Variants in PIP5KL1 observed in about 807,000 individuals in gnomAD.
PIP5KL1 encodes phosphatidylinositol-4-phosphate 5-kinase like 1.
In PIP5KL1, 45 loss-of-function variants were observed where a neutral mutation model predicts 47.6. The observed-to-expected ratio is 0.94, with a 90% CI of 0.74 to 1.21. The LOEUF (loss-of-function observed/expected upper bound fraction) is 1.21, where lower values mean the gene tolerates loss of function less well. Ranked by LOEUF, PIP5KL1 falls within the 50% of genes most tolerant of loss-of-function variation. The pLI is 0.00. For synonymous variants in PIP5KL1, 256 were observed against 234.6 expected (o/e 1.09, Z -0.84); for missense variants, 577 against 547.6 (o/e 1.05, Z -0.54).
rs1037071503 is a variant in PIP5KL1, at chr9:127,929,661, G to T, written c.228+27C>A. On this transcript the variant is annotated intron_variant, in intron 2 of 9. Transcript: ENST00000388747. The surrounding 1 kb of genome is among the most constrained non-coding windows in gnomAD (Gnocchi z 4.0). The stretch of plus-strand genomic sequence containing the variant: ...CAAGTCTTGCCATTGCTGGTGTGGA[G>T]ATTCGTGGGACAGATGGGCCACTCA... 3 of 1,521,596 alleles carry T rather than the reference G, an allele frequency of 2.0e-6. No homozygotes were observed. Among genetic ancestry groups the T allele is most frequent in the Non-Finnish European group, 1.8e-6 (2 of 1,124,750 alleles). 94.3% of individuals were successfully genotyped at this position (1,521,596 alleles called of 1,614,324 possible).
In PIP5KL1 at chr9:127,929,881, A is replaced by G; in HGVS notation, c.35T>C (p.Leu12Pro). Residue 12 changes from leucine to proline, a missense_variant, in exon 2 of 10, where the codon CTG becomes CCG. By Grantham distance (98) the Leu-to-Pro change is moderately conservative (BLOSUM62 -3). Coordinates refer to ENST00000388747, the MANE Select transcript of PIP5KL1 (RefSeq NM_001135219.2). This position sits in a 1 kb window ranked among gnomAD's most constrained non-coding sequence, Gnocchi z 4.0. ...GCATCCAGCCTCAGGGGAGGGGGCC[A>G]GGACCTGGTGGGAGGAGGCACAGGA... is the stretch of plus-strand genomic sequence containing the variant. ...AAPSPGPREV[L>P]APSPEAGCRA... 6.5e-7 allele frequency: 1 copy of G among 1,529,400 alleles called. No homozygotes were observed. The highest frequency in any genetic ancestry group is 8.8e-7 in the Non-Finnish European group (1 of 1,137,646). 94.7% of individuals were successfully genotyped at this position (1,529,400 alleles called of 1,614,324 possible). A position where few individuals can be genotyped will look rare whatever the true frequency, so the allele number is the denominator to read the frequency against.
rs992189019 is a variant in PIP5KL1, at chr9:127,929,172, G to T, written c.228+516C>A. Among the ~76,000 whole-genome samples, 1 of 152,110 alleles carries T rather than the reference G, an allele frequency of 6.6e-6. No homozygotes were observed. Among genetic ancestry groups the T allele is most frequent in the Non-Finnish European group, 1.5e-5 (1 of 68,004 alleles). On this transcript the variant is annotated intron_variant, in intron 2 of 9. Transcript: ENST00000388747. This position sits in a 1 kb window ranked among gnomAD's most constrained non-coding sequence, Gnocchi z 4.0. ...CCTGGATCTCCAGGTCCCTGTGCCCGGATGTGGTCTGTGGAATGTGGTCCC... is the reference window on the plus strand; with the variant it reads ...CCTGGATCTCCAGGTCCCTGTGCCCTGATGTGGTCTGTGGAATGTGGTCCC...
chr9:127,929,768 G>A lies in PIP5KL1; in HGVS notation c.148C>T (p.His50Tyr). 1 of 1,570,494 alleles carries A rather than the reference G, an allele frequency of 6.4e-7. No homozygotes were observed. Among genetic ancestry groups the A allele is most frequent in the Non-Finnish European group, 8.6e-7 (1 of 1,157,730 alleles). ...RLGLFEISPGHELHGMTCMMQ... is the reference protein window; with the variant it reads ...RLGLFEISPGYELHGMTCMMQ... ...ATGCACGTCATCCCATGCAGTTCATGCCCCGGGCTGATCTCAAACAGGCCC... is the reference window on the plus strand; with the variant it reads ...ATGCACGTCATCCCATGCAGTTCATACCCCGGGCTGATCTCAAACAGGCCC... The change falls in exon 2 of 10, where the codon CAT becomes TAT. Residue 50 changes from histidine (H) to tyrosine (Y), a missense_variant. Physicochemically the swap from His to Tyr is moderately conservative, Grantham distance 83 (BLOSUM62 2). Coordinates refer to ENST00000388747, the MANE Select transcript of PIP5KL1 (RefSeq NM_001135219.2). This position sits in a 1 kb window ranked among gnomAD's most constrained non-coding sequence, Gnocchi z 4.0.
chr9:127,930,604 C>A, intron 1 of PIP5KL1, 119 bp downstream of exon 1: 1 of 1,271,880 alleles, frequency 7.9e-7, no homozygotes, highest in Non-Finnish European at 1.0e-6. Context: ...TGGTCTTCGC[C>A]GGCTGCAGGG....
At position 127,921,885 on chromosome 9, in the gene PIP5KL1, G is replaced by C. The variant is rs764023580; in HGVS notation, c.1147C>G (p.Arg383Gly). 6.4e-7 allele frequency: 1 copy of C among 1,574,088 alleles called. No individual in the cohort carries two copies. The highest frequency in any genetic ancestry group is 8.6e-7 in the Non-Finnish European group (1 of 1,164,162). ...FSTVSPARYA[R>G]RLCQWVEAHT... ...GCCTCCACCCACTGGCAGAGGCGAC[G>C]GGCGTAGCGAGCCGGGCTGACAGTG... The change falls in exon 10 of 10, where the codon CGT becomes GGT. Residue 383 changes from arginine to glycine, a missense_variant. Coordinates refer to ENST00000388747, the MANE Select transcript of PIP5KL1 (RefSeq NM_001135219.2).
intron 2 of PIP5KL1, among the ~76,000 whole-genome samples, chr9:127,928,988 C>T (rs1425508904): frequency 2.6e-5 from 4 of 152,170 alleles, no homozygotes; most frequent in Admixed American, 2.0e-4. Context: ...AAGGAGGGCC[C>T]AAGTGGCTGA....
At position 127,929,106 on chromosome 9, in the gene PIP5KL1, A is replaced by G. The variant is rs1238478390; in HGVS notation, c.228+582T>C. 1.3e-5 allele frequency among the ~76,000 whole-genome samples: 2 copies of G among 152,198 alleles called. No homozygotes were observed. The highest frequency in any genetic ancestry group is 4.8e-5 in the African/African-American group (2 of 41,454). ...AAGCTTTTCAGCAGGTGATGAGGTC[A>G]GTTTGTGATTTAGAGAACTCCCTCG... On this transcript the variant is annotated intron_variant, in intron 2 of 9. Transcript: ENST00000388747. This position sits in a 1 kb window ranked among gnomAD's most constrained non-coding sequence, Gnocchi z 4.0.
At chr9:127,925,047 G>A (rs1434281660) in intron 9 of PIP5KL1, 60 bp downstream of exon 9, 8 of 1,588,684 alleles carry the variant, frequency 5.0e-6, no homozygotes, top group African/African-American at 1.3e-5. Context: ...ATGCCCCCAT[G>A]TCTGTCTTTC....
At chr9:127,925,817 C>T in intron 8 of PIP5KL1, 50 bp downstream of exon 8, 3 of 1,486,306 alleles carry the variant, frequency 2.0e-6, no homozygotes, top group Non-Finnish European at 1.9e-6. Context: ...CCCTTCTAAA[C>T]TTCACCCTGA....
chr9:127,922,819 T>A (rs2131634541), intron 9 of PIP5KL1, among the ~76,000 whole-genome samples: 1 of 152,312 alleles, frequency 6.6e-6, no homozygotes, highest in Non-Finnish European at 1.5e-5. Context: ...TTTGGATGTA[T>A]TGAGTAAATG....
Position 127,928,455 on chromosome 9 carries a change from T to C in PIP5KL1, c.257A>G (p.Glu86Gly). ...TGPPSRDDFS[E>G]VLTQVHEGFE... ...TACCTCGTGAACCTGGGTTAGGACC[T>C]CCGAGAAATCGTCCCGGGAGGGCGG... Residue 86 changes from glutamate to glycine, a missense_variant, in exon 3 of 10, where the codon GAG becomes GGG. Transcript: ENST00000388747. 1 of 1,599,786 alleles carries C rather than the reference T, an allele frequency of 6.3e-7. No homozygotes were observed. The highest frequency in any genetic ancestry group is 8.5e-7 in the Non-Finnish European group (1 of 1,174,762).
chr9:127,927,352 G>T lies in PIP5KL1; in HGVS notation c.560-21C>A. 6.3e-7 allele frequency: 1 copy of T among 1,599,934 alleles called. No individual in the cohort carries two copies. The highest frequency in any genetic ancestry group is 8.5e-7 in the Non-Finnish European group (1 of 1,175,914). On this transcript the variant is annotated intron_variant, in intron 5 of 9. Transcript: ENST00000388747. The surrounding 1 kb of genome is among the most constrained non-coding windows in gnomAD (Gnocchi z 5.5). Reference sequence around the variant, plus strand: ...CACTCCTGGAAGGGGAGAGGGCGCCGGATGAGGATCCCCAAACTCCACAAC... The same window carrying T: ...CACTCCTGGAAGGGGAGAGGGCGCCTGATGAGGATCCCCAAACTCCACAAC...
intron 1 of PIP5KL1, among the ~76,000 whole-genome samples, 178 bp from the exon 2 acceptor site, chr9:127,930,063 G>A (rs984257908): frequency 4.6e-5 from 7 of 152,262 alleles, no homozygotes; most frequent in African/African-American, 1.7e-4. Flanking sequence ...TGCCTGGCAC[G>A]CAGTCAGCAC....
chr9:127,928,945 A>T (rs1032714069), intron 2 of PIP5KL1, among the ~76,000 whole-genome samples: 3 of 152,196 alleles, frequency 2.0e-5, no homozygotes, highest in African/African-American at 7.2e-5. Context: ...TGCTCGCACC[A>T]GTAGAAACAG....
rs1354481901 is a variant in PIP5KL1, at chr9:127,927,647, C to T, written c.559+1G>A. 8.7e-6 allele frequency: 13 copies of T among 1,497,330 alleles called. No homozygotes were observed. Among genetic ancestry groups the T allele is most frequent in the Non-Finnish European group, 1.1e-5 (12 of 1,121,696 alleles). The allele number at this position is 1,497,330 out of a possible 1,614,324, so 92.8% of individuals were successfully genotyped here. A position where few individuals can be genotyped will look rare whatever the true frequency, so the allele number is the denominator to read the frequency against. On this transcript the variant is annotated splice_donor_variant, in intron 5 of 9. Transcript: ENST00000388747. LOFTEE classifies it high-confidence loss of function. The surrounding 1 kb of genome is among the most constrained non-coding windows in gnomAD (Gnocchi z 5.5). The stretch of plus-strand genomic sequence containing the variant: ...ACCGAGCCCCGCCCCCAGCCAAGTA[C>T]CCAGCAACCGCGCCAGCAGCGAGTG...
In PIP5KL1 at chr9:127,929,342, G is replaced by T. The variant is rs1478591533; in HGVS notation, c.228+346C>A. ...AGAGAGGATGGGCTAGGCCAGCAGG[G>T]TGGGGGTGGGGGTCCCTTTTCAACC... On this transcript the variant is annotated intron_variant, in intron 2 of 9. Coordinates refer to ENST00000388747, the MANE Select transcript of PIP5KL1 (RefSeq NM_001135219.2). This position sits in a 1 kb window ranked among gnomAD's most constrained non-coding sequence, Gnocchi z 4.0. Among the ~76,000 whole-genome samples, 1 of 152,040 alleles carries T rather than the reference G, an allele frequency of 6.6e-6. No individual in the cohort carries two copies. Among genetic ancestry groups the T allele is most frequent in the Admixed American group, 6.5e-5 (1 of 15,274 alleles).
chr9:127,930,739 C>A lies in PIP5KL1; in HGVS notation c.14G>T (p.Ser5Ile), dbSNP rs758991332. The A allele has an allele frequency of 1.0e-5, 16 of 1,563,528 alleles. No homozygotes were observed. The African/African-American group carries it at 2.0e-4, about 19-fold the overall frequency. MAAP[S>I]PGPREVLAPS... ...CGCACCTACCTCGCGGGGCCCCGGG[C>A]TCGGCGCAGCCATCGCCCCCGCAGC... Residue 5 changes from serine (S) to isoleucine (I), a missense_variant, in exon 1 of 10, where the codon AGC becomes ATC. Transcript: ENST00000388747.
rs1831339951 is a variant in PIP5KL1, at chr9:127,925,014, T to A, written c.917+93A>T. 2.0e-6 allele frequency: 3 copies of A among 1,505,598 alleles called. No homozygotes were observed. In the African/African-American group the frequency reaches 4.1e-5, roughly 21 times the overall value. The allele number at this position is 1,505,598 out of a possible 1,614,324, so 93.3% of individuals were successfully genotyped here. A position where few individuals can be genotyped will look rare whatever the true frequency, so the allele number is the denominator to read the frequency against. On this transcript the variant is annotated intron_variant, in intron 9 of 9. Coordinates refer to ENST00000388747, the MANE Select transcript of PIP5KL1 (RefSeq NM_001135219.2). ...ACTTTCCAGCCTTCATGTCTTTGGC[T>A]GCACTGCTCCCGGTGCACTCCCATG...
Position 127,928,113 on chromosome 9 carries a change from T to C in PIP5KL1, c.386A>G (p.Tyr129Cys), listed in dbSNP as rs1322993144. Reference sequence around the variant, plus strand: ...CTTGGAGGTGCTGAGGAACTGCAGGTAGGGGCCGCCGGGGCCCAGGGCAGC... The same window carrying C: ...CTTGGAGGTGCTGAGGAACTGCAGGCAGGGGCCGCCGGGGCCCAGGGCAGC... Reference protein sequence around the residue: ...YQAALGPGGPYLQFLSTSKSK... With the variant: ...YQAALGPGGPCLQFLSTSKSK... Residue 129 changes from tyrosine to cysteine, a missense_variant, in exon 4 of 10, where the codon TAC becomes TGC. Transcript: ENST00000388747. The C allele has an allele frequency of 1.4e-5, 22 of 1,550,550 alleles. No individual in the cohort carries two copies. The highest frequency in any genetic ancestry group is 1.7e-4 in the Middle Eastern group (1 of 5,854).
Sources: gnomAD v4.1 joint callset for allele counts (sites outside exome capture counted in the v4.1 genomes callset) on GRCh38, gnomAD v4.1.1 for gene constraint, Gnocchi (gnomAD v3.1) non-coding constraint, MANE v1.5 for transcripts, NCBI Gene and HGNC (gene_info 2026-07-23, HGNC 2026-07-21) for gene names.